The following MICAL3 variants were observed in gnomAD, a reference collection of about 807,000 sequenced individuals.
MICAL3 encodes microtubule associated monooxygenase, calponin and LIM domain containing 3, also known as [F-actin]-monooxygenase MICAL3.
MICAL3 carries 62 observed loss-of-function variants against 207.4 expected under a neutral mutation model. That is an observed-to-expected ratio of 0.30 (90% CI 0.24 to 0.37). MICAL3 has a LOEUF of 0.37. Ranked by LOEUF, MICAL3 falls within the 10% of genes least tolerant of loss-of-function variation. MICAL3 has a pLI of 1.00. For missense variants in MICAL3, 2,368 were observed against 2,635.6 expected (o/e 0.90, Z 2.22); for synonymous variants, 1,077 against 1,069.3 (o/e 1.01, Z -0.14).
intron 3 of MICAL3, 38 bp downstream of exon 3, chr22:17,904,594 G>A (rs908289165): frequency 1.0e-5 from 15 of 1,477,948 alleles, no homozygotes; most frequent in Non-Finnish European, 1.4e-5. Context: ...CGTGCAAGGG[G>A]TAGGGTGGAA....
intron 20 of MICAL3, among the ~76,000 whole-genome samples, chr22:17,833,086 C>G (rs189134638): frequency 6.6e-6 from 1 of 152,186 alleles, no homozygotes; most frequent in East Asian, 1.9e-4. Context: ...CATGCCACAA[C>G]GGACACTACC....
intron 29 of MICAL3, among the ~76,000 whole-genome samples, chr22:17,804,014 T>G (rs993303491): frequency 6.6e-6 from 1 of 152,180 alleles, no homozygotes; most frequent in Non-Finnish European, 1.5e-5. Context: ...CTGGAAGGCA[T>G]GCGTGCCTAA....
At chr22:17,947,732 T>C (rs1314162856) in intron 1 of MICAL3, among the ~76,000 whole-genome samples, 1 of 142,988 alleles carries the variant, frequency 7.0e-6, no homozygotes, top group African/African-American at 2.6e-5. Context: ...ACCCGGCTGA[T>C]ATTTTCTTAA....
At chr22:17,947,575 T>G (rs1934133630) in intron 1 of MICAL3, among the ~76,000 whole-genome samples, 1 of 152,196 alleles carries the variant, frequency 6.6e-6, no homozygotes, top group Non-Finnish European at 1.5e-5. Flanking sequence ...CAAATTTTTA[T>G]CTTATTTTTA....
At chr22:17,886,130 C>G in intron 15 of MICAL3, 79 bp from the exon 16 acceptor site, 1 of 1,477,786 alleles carries the variant, frequency 6.8e-7, no homozygotes, top group Non-Finnish European at 9.3e-7. Flanking sequence ...GAAGTGCACT[C>G]AGGACCTGGC....
chr22:17,937,393 G>A (rs1933587769), intron 1 of MICAL3, among the ~76,000 whole-genome samples: 1 of 152,216 alleles, frequency 6.6e-6, no homozygotes, highest in South Asian at 2.1e-4. Flanking sequence ...GCCGGGCGTG[G>A]TGGCTCACAC....
At chr22:17,844,574 T>C (rs1210235738) in intron 19 of MICAL3, among the ~76,000 whole-genome samples, 1 of 152,208 alleles carries the variant, frequency 6.6e-6, no homozygotes, top group African/African-American at 2.4e-5. Flanking sequence ...TAGAGAATCT[T>C]TACTAACAAA....
Position 17,929,572 on chromosome 22 carries a change from T to TTC in MICAL3, c.-74-22687_-74-22686insGA, listed in dbSNP as rs1556418337. On this transcript the variant is annotated intron_variant, in intron 1 of 31. Transcript: ENST00000441493. ...TTCTTTCTTTCCTTTTCTTTTCTTT[T>TTC]TTTTTTTTTTTTTTTGACAGGGTCT... Among the ~76,000 whole-genome samples, 1,172 of 128,904 alleles carry TTC rather than the reference T, an allele frequency of 9.1e-3. 20 individuals carry two copies. Among genetic ancestry groups the TTC allele is most frequent in the African/African-American group, 0.033 (1,112 of 34,118 alleles). The allele number at this position is 128,904 out of a possible 152,430, so 84.6% of individuals were successfully genotyped here.
At chr22:17,967,218 T>C (rs774517548) in intron 1 of MICAL3, among the ~76,000 whole-genome samples, 10 of 152,334 alleles carry the variant, frequency 6.6e-5, no homozygotes, top group East Asian at 1.9e-4. Flanking sequence ...TCAGTGATTT[T>C]GTTATCTTTA....
chr22:17,925,861 C>T (rs1194126792), intron 1 of MICAL3, among the ~76,000 whole-genome samples: 1 of 152,174 alleles, frequency 6.6e-6, no homozygotes, highest in African/African-American at 2.4e-5. Context: ...CTCAAACAGG[C>T]ATTGTCCCTT....
chr22:17,825,077 A>G (rs191083689), intron 22 of MICAL3, among the ~76,000 whole-genome samples: 121 of 152,264 alleles, frequency 7.9e-4, no homozygotes, highest in South Asian at 2.9e-3. Flanking sequence ...AAGGAGACCC[A>G]AACAGGCCTC....
Position 17,831,883 on chromosome 22 carries a change from T to G in MICAL3, c.3026A>C (p.Tyr1009Ser), listed in dbSNP as rs763516065. The stretch of plus-strand genomic sequence containing the variant: ...ACTGGACTCTTCCTCCTCCTCGTCA[T>G]AGTCCTCCTCCTCCTCCTCTTCATA... ...EEYEEEEEEDYDEEEEESSEA... is the reference protein window; with the variant it reads ...EEYEEEEEEDSDEEEEESSEA... Residue 1009 changes from tyrosine to serine, a missense_variant, in exon 21 of 32, where the codon TAT becomes TCT. This residue lies in a region of MICAL3 where 1,770 missense variants were observed against 1,863.2 expected (regional missense o/e 0.95). Transcript: ENST00000441493. 6.4e-7 allele frequency: 1 copy of G among 1,554,030 alleles called. No individual in the cohort carries two copies. The highest frequency in any genetic ancestry group is 8.7e-7 in the Non-Finnish European group (1 of 1,148,422).
chr22:17,931,089 A>G (rs898973607), intron 1 of MICAL3, among the ~76,000 whole-genome samples: 5 of 151,858 alleles, frequency 3.3e-5, no homozygotes, highest in Non-Finnish European at 7.4e-5. Flanking sequence ...CCAGTGAGTG[A>G]CCCCTCTCTG....
At chr22:17,998,563 A>ATT (rs563326449) in intron 1 of MICAL3, among the ~76,000 whole-genome samples, 1,516 of 128,166 alleles carry the variant, frequency 0.012, 28 homozygotes, top group African/African-American at 0.038. Flanking sequence ...TATTATTATT[A>ATT]TTTTTTTTTT....
At chr22:17,791,649 C>T (rs2061825872) in intron 29 of MICAL3, 1 of 327,282 alleles carries the variant, frequency 3.1e-6, no homozygotes, top group Non-Finnish European at 5.9e-6. Context: ...TTGGCACTTG[C>T]TATGTACTAG....
intron 27 of MICAL3, chr22:17,813,417 G>T (rs2062069543): frequency 2.0e-5 from 3 of 152,238 alleles, no homozygotes; most frequent in African/African-American, 7.2e-5. Context: ...GCGGCCTTGT[G>T]CGGAGCTGTG....
chr22:17,799,998 C>T (rs1021056466), intron 29 of MICAL3, among the ~76,000 whole-genome samples: 2 of 150,920 alleles, frequency 1.3e-5, no homozygotes, highest in South Asian at 2.1e-4. Context: ...TGGGAAACCT[C>T]GCAGGTTCCA....
chr22:17,862,573 T>C (rs1223193946), intron 19 of MICAL3: 6 of 985,254 alleles, frequency 6.1e-6, no homozygotes, highest in Non-Finnish European at 7.2e-6. Context: ...CCTGAGCTTT[T>C]CTGAAACTTT....
At chr22:17,993,799 G>C (rs1428987056) in intron 1 of MICAL3, among the ~76,000 whole-genome samples, 1 of 151,754 alleles carries the variant, frequency 6.6e-6, no homozygotes, top group East Asian at 1.9e-4. Flanking sequence ...AGTGAAGAGA[G>C]GGAAATATGG....
Sources: allele counts gnomAD v4.1 joint callset (sites outside exome capture counted in the v4.1 genomes callset), GRCh38; gene constraint gnomAD v4.1.1; regional missense constraint gnomAD v4.1.1; transcripts MANE v1.5; gene names NCBI Gene and HGNC (gene_info 2026-07-23, HGNC 2026-07-21).